Variants in CRY2 observed in about 807,000 individuals in gnomAD.
CRY2 encodes the protein cryptochrome circadian regulator 2, also known as cryptochrome-2.
Under a neutral mutation model 69.5 loss-of-function variants are expected in CRY2, and 31 were observed. That is an observed-to-expected ratio of 0.45 (90% CI 0.34 to 0.60). CRY2 has a LOEUF of 0.60. Ranked by LOEUF, CRY2 falls within the 20% of genes least tolerant of loss-of-function variation. The probability of loss-of-function intolerance (pLI) is 0.02; values close to 1 mark genes in which losing one functional copy is unlikely to be tolerated. For missense variants in CRY2, 606 were observed against 797.8 expected (o/e 0.76, Z 2.90); for synonymous variants, 303 against 312.2 (o/e 0.97, Z 0.31).
chr11:45,869,326 G>A (rs1422895496), intron 6 of CRY2, among the ~76,000 whole-genome samples, 180 bp from the exon 7 acceptor site: 2 of 152,220 alleles, frequency 1.3e-5, no homozygotes, highest in African/African-American at 4.8e-5. Context: ...AGTGCAGGCA[G>A]GGCCTGGGTG....
chr11:45,864,035 G>C (rs962826439), intron 5 of CRY2, among the ~76,000 whole-genome samples: 3 of 152,212 alleles, frequency 2.0e-5, no homozygotes, highest in Non-Finnish European at 4.4e-5. Flanking sequence ...GATGCATTAT[G>C]TATTGGTGAC....
chr11:45,850,079 A>G (rs2086185778), intron 1 of CRY2, among the ~76,000 whole-genome samples: 1 of 150,832 alleles, frequency 6.6e-6, no homozygotes. Flanking sequence ...GCATGATCAT[A>G]GCTCACTGCA....
At chr11:45,849,497 C>T (rs949842088) in intron 1 of CRY2, among the ~76,000 whole-genome samples, 2 of 152,120 alleles carry the variant, frequency 1.3e-5, no homozygotes, top group South Asian at 2.1e-4. Flanking sequence ...TTTAGTGAAA[C>T]GAAGTGCCAT....
chr11:45,861,733 C>G, intron 4 of CRY2: 1 of 291,622 alleles, frequency 3.4e-6, no homozygotes, highest in Non-Finnish European at 6.5e-6. Flanking sequence ...TGAGCCACAC[C>G]TCCAGTCTTT....
intron 9 of CRY2, 56 bp from the exon 10 acceptor site, chr11:45,870,786 T>G: frequency 6.8e-7 from 1 of 1,468,096 alleles, no homozygotes; most frequent in Non-Finnish European, 9.5e-7. Context: ...TCCTGCCCTG[T>G]AGCCCTCTGC....
At chr11:45,857,628 T>A (rs1171179824) in intron 2 of CRY2, among the ~76,000 whole-genome samples, 1 of 152,180 alleles carries the variant, frequency 6.6e-6, no homozygotes, top group Non-Finnish European at 1.5e-5. Context: ...AACAGGCAAG[T>A]GTATCATTGT....
chr11:45,882,542 G>C lies in CRY2; in HGVS notation c.*1631G>C. On this transcript the variant is annotated 3_prime_UTR_variant, in exon 12 of 12. Coordinates refer to ENST00000616080, the MANE Select transcript of CRY2 (RefSeq NM_021117.5). ...AGGCTTCTTCCTGAGATATCCTCAGGTTTTCTCAGCCAGAGAGCTGCCTTT... is the reference window on the plus strand; with the variant it reads ...AGGCTTCTTCCTGAGATATCCTCAGCTTTTCTCAGCCAGAGAGCTGCCTTT... 2 of 398,888 alleles carry C rather than the reference G, an allele frequency of 5.0e-6. No homozygotes were observed. 24.7% of individuals were successfully genotyped at this position (398,888 alleles called of 1,614,324 possible). A position where few individuals can be genotyped will look rare whatever the true frequency, so the allele number is the denominator to read the frequency against.
chr11:45,847,694 C>A lies in CRY2; in HGVS notation c.204C>A (p.Ile68=). Reference sequence around the variant, plus strand: ...TCGCGGCCTCCTCCTCAGTCGGGATCAACCGATGGAGGTGAGGGGACCCGG... The same window carrying A: ...TCGCGGCCTCCTCCTCAGTCGGGATAAACCGATGGAGGTGAGGGGACCCGG... ...PWFAASSSVG[I]NRWRFLLQSL... The change falls in exon 1 of 12, where the codon ATC becomes ATA. Residue 68 remains isoleucine (I), a synonymous_variant. Transcript: ENST00000616080. 6.4e-7 allele frequency: 1 copy of A among 1,572,604 alleles called. No individual in the cohort carries two copies. Among genetic ancestry groups the A allele is most frequent in the African/African-American group, 1.3e-5 (1 of 74,168 alleles).
chr11:45,871,908 C>T (rs1328064874), intron 10 of CRY2, among the ~76,000 whole-genome samples, 184 bp from the exon 11 acceptor site: 2 of 152,232 alleles, frequency 1.3e-5, no homozygotes, highest in African/African-American at 2.4e-5. Context: ...GTCATGTCCT[C>T]CTTGGACATT....
intron 11 of CRY2, among the ~76,000 whole-genome samples, chr11:45,873,755 T>TA (rs1425312980): frequency 1.3e-5 from 2 of 152,170 alleles, no homozygotes; most frequent in Non-Finnish European, 2.9e-5. Flanking sequence ...GGACAAATGA[T>TA]ACAGACTATA....
intron 11 of CRY2, among the ~76,000 whole-genome samples, 161 bp downstream of exon 11, chr11:45,872,394 C>T (rs944026923): frequency 6.6e-6 from 1 of 151,866 alleles, no homozygotes; most frequent in African/African-American, 2.4e-5. Context: ...CAGTGGCAGC[C>T]GGGTTCCATC....
chr11:45,861,077 T>C, intron 4 of CRY2, 45 bp downstream of exon 4: 1 of 1,551,820 alleles, frequency 6.4e-7, no homozygotes, highest in South Asian at 1.2e-5. Flanking sequence ...TGCCTGCTTT[T>C]GTGTAAAGAA....
intron 1 of CRY2, among the ~76,000 whole-genome samples, chr11:45,848,128 T>G (rs2086167293): frequency 6.6e-6 from 1 of 152,174 alleles, no homozygotes; most frequent in South Asian, 2.1e-4. Context: ...GCTCGCATTC[T>G]TCAAGAGCCC....
intron 1 of CRY2, among the ~76,000 whole-genome samples, 156 bp downstream of exon 1, chr11:45,847,861 C>CAGA (rs1368722507): frequency 6.6e-6 from 1 of 152,202 alleles, no homozygotes; most frequent in African/African-American, 2.4e-5. Flanking sequence ...CCTAACGCGC[C>CAGA]GGTGGGCCAG....
chr11:45,874,369 G>A (rs551970783), intron 11 of CRY2, among the ~76,000 whole-genome samples: 34 of 152,342 alleles, frequency 2.2e-4, no homozygotes, highest in African/African-American at 7.7e-4. Flanking sequence ...AAAACAAATA[G>A]GGGCTTATTT....
chr11:45,861,108 A>G lies in CRY2; in HGVS notation c.652+76A>G, dbSNP rs1455267788. ...AAGAAATTCTTTGTGAAAGTAATGCATGTCATTATAGAAAGGTTAGAAAGC... is the reference window on the plus strand; with the variant it reads ...AAGAAATTCTTTGTGAAAGTAATGCGTGTCATTATAGAAAGGTTAGAAAGC... On this transcript the variant is annotated intron_variant, in intron 4 of 11. Transcript: ENST00000616080. 9.6e-6 allele frequency: 14 copies of G among 1,461,376 alleles called. No individual in the cohort carries two copies. In the African/African-American group the frequency reaches 1.1e-4, roughly 12 times the overall value. 90.5% of individuals were successfully genotyped at this position (1,461,376 alleles called of 1,614,324 possible). A position where few individuals can be genotyped will look rare whatever the true frequency, so the allele number is the denominator to read the frequency against.
At chr11:45,872,282 G>A in intron 11 of CRY2, 49 bp downstream of exon 11, 2 of 1,571,798 alleles carry the variant, frequency 1.3e-6, no homozygotes, top group South Asian at 1.1e-5. Context: ...GTTGGGAGTG[G>A]GGGGGCCTAC....
chr11:45,847,906 AC>A (rs1476347325), intron 1 of CRY2, among the ~76,000 whole-genome samples: 1 of 152,066 alleles, frequency 6.6e-6, no homozygotes, highest in East Asian at 1.9e-4. Context: ...TCGCACTGTT[AC>A]CCCTTTGAGC....
At chr11:45,849,861 G>A (rs1213718371) in intron 1 of CRY2, among the ~76,000 whole-genome samples, 1 of 152,104 alleles carries the variant, frequency 6.6e-6, no homozygotes, top group African/African-American at 2.4e-5. Context: ...GACCTCAGGT[G>A]ATCTGCCCAC....
Sources: gnomAD v4.1 joint callset for allele counts (sites outside exome capture counted in the v4.1 genomes callset) on GRCh38, gnomAD v4.1.1 for gene constraint, MANE v1.5 for transcripts, NCBI Gene and HGNC (gene_info 2026-07-23, HGNC 2026-07-21) for gene names.